The following RAP1GDS1 variants were observed in gnomAD, a reference collection of about 807,000 sequenced individuals.
The protein encoded by RAP1GDS1 is RAP1, GTP-GDP dissociation stimulator 1.
A neutral mutation model predicts 71.1 loss-of-function variants in RAP1GDS1; 35 were observed. That is an observed-to-expected ratio of 0.49 (90% CI 0.38 to 0.65). RAP1GDS1 has a LOEUF of 0.65. Among genes scored for constraint, RAP1GDS1 ranks in the 30% least tolerant of loss-of-function variants. The pLI, the probability that RAP1GDS1 is intolerant of heterozygous loss-of-function variation, is 0.00. For missense variants in RAP1GDS1, 663 were observed against 706.1 expected (o/e 0.94, Z 0.69); for synonymous variants, 229 against 243.1 (o/e 0.94, Z 0.54).
chr4:98,355,964 T>G (rs985023002), intron 4 of RAP1GDS1, among the ~76,000 whole-genome samples: 23 of 152,190 alleles, frequency 1.5e-4, no homozygotes, highest in African/African-American at 5.1e-4. Context: ...GCTTGGTCTC[T>G]TTTCTTCCAG....
intron 10 of RAP1GDS1, 140 bp downstream of exon 10, chr4:98,418,931 T>C (rs1578817695): frequency 1.1e-6 from 1 of 903,086 alleles, no homozygotes; most frequent in Non-Finnish European, 1.5e-6. Context: ...TCACATTTTT[T>C]CATGCTAATA....
intron 2 of RAP1GDS1, among the ~76,000 whole-genome samples, chr4:98,339,014 T>C (rs1329373426): frequency 3.9e-5 from 6 of 152,196 alleles, no homozygotes; most frequent in Non-Finnish European, 7.3e-5. Context: ...TTCTCCTTAC[T>C]CCCTCCTTTG....
At chr4:98,412,542 T>C (rs1747226717) in intron 7 of RAP1GDS1, among the ~76,000 whole-genome samples, 1 of 152,146 alleles carries the variant, frequency 6.6e-6, no homozygotes, top group African/African-American at 2.4e-5. Flanking sequence ...GTTGCAAATG[T>C]ATTTTTCAGG....
chr4:98,262,263 CG>C (rs1320155692), intron 1 of RAP1GDS1, among the ~76,000 whole-genome samples: 1 of 152,178 alleles, frequency 6.6e-6, no homozygotes, highest in Non-Finnish European at 1.5e-5. Context: ...TGGATTCCTT[CG>C]TCCGTCTTCT....
intron 2 of RAP1GDS1, among the ~76,000 whole-genome samples, chr4:98,321,395 C>T (rs1403493658): frequency 7.5e-6 from 1 of 133,972 alleles, no homozygotes; most frequent in Non-Finnish European, 1.6e-5. Flanking sequence ...GGCAGGCCAA[C>T]GTTCAGATTC....
chr4:98,397,801 A>G (rs1744773584), intron 6 of RAP1GDS1, among the ~76,000 whole-genome samples: 1 of 152,148 alleles, frequency 6.6e-6, no homozygotes, highest in African/African-American at 2.4e-5. Flanking sequence ...GGGTTTCTTG[A>G]TGGAGGATAT....
chr4:98,302,696 A>G (rs947179188), intron 2 of RAP1GDS1, among the ~76,000 whole-genome samples: 2 of 152,176 alleles, frequency 1.3e-5, no homozygotes, highest in African/African-American at 4.8e-5. Flanking sequence ...CTTTAAAGAT[A>G]AAAACAAATA....
At chr4:98,284,858 C>G (rs574880) in intron 1 of RAP1GDS1, among the ~76,000 whole-genome samples, 17,666 of 152,108 alleles carry the variant, frequency 0.12, 1,401 homozygotes, top group East Asian at 0.36. Flanking sequence ...AAATCCTAGT[C>G]TTTGAGTCCT....
intron 2 of RAP1GDS1, among the ~76,000 whole-genome samples, chr4:98,323,220 A>G (rs1056094457): frequency 5.4e-5 from 8 of 146,904 alleles, no homozygotes; most frequent in African/African-American, 2.1e-4. Context: ...AGACTAAACC[A>G]GGAAGAAGTT....
chr4:98,381,325 T>C (rs921332584), intron 5 of RAP1GDS1, among the ~76,000 whole-genome samples: 4 of 151,700 alleles, frequency 2.6e-5, no homozygotes, highest in African/African-American at 9.7e-5. Context: ...ATCTTTCCTC[T>C]ACTTCCTTTT....
At chr4:98,330,729 C>T (rs1302167414) in intron 2 of RAP1GDS1, among the ~76,000 whole-genome samples, 1 of 151,334 alleles carries the variant, frequency 6.6e-6, no homozygotes, top group Non-Finnish European at 1.5e-5. Context: ...CTCCTCACAT[C>T]CCAGACGATG....
intron 2 of RAP1GDS1, among the ~76,000 whole-genome samples, chr4:98,341,051 T>A (rs963833913): frequency 1.3e-5 from 2 of 152,094 alleles, no homozygotes; most frequent in African/African-American, 2.4e-5. Flanking sequence ...AAAAATACAC[T>A]TTGTAGTTAT....
At chr4:98,295,792 GTGGATAAGCCTGT>G (rs1727649339) in intron 2 of RAP1GDS1, among the ~76,000 whole-genome samples, 1 of 151,948 alleles carries the variant, frequency 6.6e-6, no homozygotes, top group African/African-American at 2.4e-5. Flanking sequence ...TTTTATTAAA[GTGGATAAGCCTGT>G]TTTTCTTGAA....
chr4:98,401,950 A>T (rs1220055001), intron 6 of RAP1GDS1, among the ~76,000 whole-genome samples: 3 of 152,204 alleles, frequency 2.0e-5, no homozygotes, highest in Non-Finnish European at 2.9e-5. Flanking sequence ...TAGATGAATG[A>T]TGATGTCTAT....
At chr4:98,400,692 T>C (rs1393524157) in intron 6 of RAP1GDS1, among the ~76,000 whole-genome samples, 3 of 152,104 alleles carry the variant, frequency 2.0e-5, no homozygotes, top group Admixed American at 1.3e-4. Context: ...ACAATAATTA[T>C]TACATAGTTT....
At chr4:98,307,826 T>G (rs1009630108) in intron 2 of RAP1GDS1, among the ~76,000 whole-genome samples, 2 of 152,132 alleles carry the variant, frequency 1.3e-5, no homozygotes, top group Non-Finnish European at 2.9e-5. Flanking sequence ...CTCTTGCCCT[T>G]ATAACTAAAG....
At chr4:98,427,146 A>G (rs1749732179) in intron 12 of RAP1GDS1, among the ~76,000 whole-genome samples, 1 of 152,204 alleles carries the variant, frequency 6.6e-6, no homozygotes, top group Non-Finnish European at 1.5e-5. Context: ...GATGCAGAAA[A>G]AGCATTCCAC....
At chr4:98,349,837 T>C (rs558181764) in intron 3 of RAP1GDS1, among the ~76,000 whole-genome samples, 2 of 138,476 alleles carry the variant, frequency 1.4e-5, no homozygotes, top group Admixed American at 7.2e-5. Flanking sequence ...AACATCCCTG[T>C]TTTTTTTTTT....
rs1489132711 is a variant in RAP1GDS1 at position 98,379,268 on chromosome 4, G to GT, written c.508+106dup. 6.2e-5 allele frequency: 69 copies of GT among 1,111,204 alleles called. No individual in the cohort carries two copies. In the Middle Eastern group the frequency reaches 1.1e-3, roughly 17 times the overall value. 68.8% of individuals were successfully genotyped at this position (1,111,204 alleles called of 1,614,324 possible). ...TTGAAAAATGATGAACAAAGAATTC[G>GT]TAAGTGGCATATAAAATTAATAATT... is the stretch of plus-strand genomic sequence containing the variant. On this transcript the variant is annotated intron_variant, in intron 5 of 14. Transcript: ENST00000408927.
Sources: allele counts gnomAD v4.1 joint callset (sites outside exome capture counted in the v4.1 genomes callset), GRCh38; gene constraint gnomAD v4.1.1; transcripts MANE v1.5; gene names NCBI Gene and HGNC (gene_info 2026-07-23, HGNC 2026-07-21).